The following ATAD2B variants were observed in gnomAD, a reference collection of about 807,000 sequenced individuals.
The protein encoded by ATAD2B is ATPase family AAA domain-containing protein 2B.
A neutral mutation model predicts 167.6 loss-of-function variants in ATAD2B; 40 were observed. The observed-to-expected ratio is 0.24, with a 90% CI of 0.19 to 0.31. The LOEUF is 0.31. Ranked by LOEUF, ATAD2B falls within the 10% of genes least tolerant of loss-of-function variation. The probability of loss-of-function intolerance (pLI) is 1.00; values close to 1 mark genes in which losing one functional copy is unlikely to be tolerated. For synonymous variants in ATAD2B, 579 were observed against 596.5 expected, an observed-to-expected ratio of 0.97 and a Z score of 0.43; for missense variants, 1,242 against 1,757.2, an observed-to-expected ratio of 0.71 and a Z score of 5.24.
chr2:23,855,231 GAC>G (rs1230004834), intron 13 of ATAD2B, among the ~76,000 whole-genome samples: 1 of 148,448 alleles, frequency 6.7e-6, no homozygotes, highest in East Asian at 1.9e-4. Context: ...AACACAACAA[GAC>G]ACACAATCTA....
At chr2:23,747,088 T>C (rs930454103), downstream of ATAD2B, among the ~76,000 whole-genome samples, 4 of 152,162 alleles carry the variant, frequency 2.6e-5, no homozygotes, top group Non-Finnish European at 5.9e-5. Flanking sequence ...GTGCCTTCTA[T>C]GTCATGCAAA....
intron 21 of ATAD2B, among the ~76,000 whole-genome samples, chr2:23,784,160 G>A (rs1481562670): frequency 1.3e-5 from 2 of 151,788 alleles, no homozygotes; most frequent in African/African-American, 4.8e-5. Flanking sequence ...GTGTATAAGT[G>A]GAAACTGTTT....
chr2:23,741,908 C>G, the ATAD2B span, among the ~76,000 whole-genome samples: 1 of 152,210 alleles, frequency 6.6e-6, no homozygotes, highest in Non-Finnish European at 1.5e-5. Context: ...TGAACAGACA[C>G]TTCTCAAAAG....
chr2:23,799,522 G>A (rs1382711792), intron 18 of ATAD2B, among the ~76,000 whole-genome samples: 2 of 124,516 alleles, frequency 1.6e-5, no homozygotes, highest in South Asian at 2.5e-4. Context: ...GCAGTGAGCC[G>A]AGATCACACC....
intron 26 of ATAD2B, 30 bp downstream of exon 26, chr2:23,754,617 T>C: frequency 6.2e-7 from 1 of 1,601,468 alleles, no homozygotes; most frequent in South Asian, 1.1e-5. Context: ...TCCATTCATT[T>C]AAAACTTGAC....
At chr2:23,684,443 A>G in the ATAD2B span, 2 of 1,550,854 alleles carry the variant, frequency 1.3e-6, no homozygotes, top group Non-Finnish European at 1.7e-6. This position sits in a 1 kb window ranked among gnomAD's most constrained non-coding sequence, Gnocchi z 4.4. Flanking sequence ...GAAAGCGTTT[A>G]CAGACCTGAA....
the ATAD2B span, among the ~76,000 whole-genome samples, chr2:23,716,948 G>A: frequency 6.6e-6 from 1 of 152,194 alleles, no homozygotes; most frequent in Non-Finnish European, 1.5e-5. Flanking sequence ...CCTAGAACCT[G>A]TGCTTGGCAG....
chr2:23,786,219 A>G lies in ATAD2B; in HGVS notation c.2781T>C (p.Leu927=), dbSNP rs13419561. 518 of 1,571,328 alleles carry G rather than the reference A, an allele frequency of 3.3e-4. No homozygotes were observed. In the African/African-American group the frequency reaches 6.3e-3, roughly 19 times the overall value. The stretch of plus-strand genomic sequence containing the variant: ...CAAGAGGAAGCACTTCCATAGCACA[A>G]AGAGCTAGAGAAAACAGAAGAAAAT... The part of the protein sequence containing the change: ...MAPPRRKHAA[L]CAMEVLPLAL... Residue 927 remains leucine, a synonymous_variant, in exon 21 of 28, where the codon CTT becomes CTC. Coordinates refer to ENST00000238789, the MANE Select transcript of ATAD2B (RefSeq NM_017552.4).
Position 23,755,426 on chromosome 2 carries a change from A to C in ATAD2B, c.4079-652T>G, listed in dbSNP as rs569241651. ...CTGAAACCAGCCACACTAAACAAAC[A>C]GAAATTTTAAGGTGGCTAAGCATAA... On this transcript the variant is annotated intron_variant, in intron 25 of 27. Transcript: ENST00000238789. Among the ~76,000 whole-genome samples the C allele has an allele frequency of 2.0e-5, 3 of 152,304 alleles. No homozygotes were observed. In the South Asian group the frequency reaches 6.2e-4, roughly 32 times the overall value.
At chr2:23,686,122 G>A in the ATAD2B span, among the ~76,000 whole-genome samples, 2 of 151,216 alleles carry the variant, frequency 1.3e-5, no homozygotes, top group African/African-American at 2.4e-5. Context: ...ATTCCAGGCC[G>A]GGGATGGGGC....
chr2:23,766,778 A>T (rs543200209), intron 22 of ATAD2B, among the ~76,000 whole-genome samples: 1 of 152,298 alleles, frequency 6.6e-6, no homozygotes, highest in Non-Finnish European at 1.5e-5. Flanking sequence ...ACCCTGAAAA[A>T]CAGCTATGAA....
intron 19 of ATAD2B, among the ~76,000 whole-genome samples, chr2:23,794,350 C>A (rs1351311395): frequency 6.6e-6 from 1 of 152,204 alleles, no homozygotes; most frequent in Non-Finnish European, 1.5e-5. Context: ...TTGTGTCTGG[C>A]TTAATGGAAG....
At chr2:23,839,556 T>C (rs772964428) in intron 13 of ATAD2B, among the ~76,000 whole-genome samples, 10 of 152,136 alleles carry the variant, frequency 6.6e-5, no homozygotes, top group Middle Eastern at 3.2e-3. Context: ...ACTTCCCTCA[T>C]ATTAAATAAA....
At chr2:23,863,700 C>T in intron 11 of ATAD2B, 145 bp from the exon 12 acceptor site, 1 of 778,368 alleles carries the variant, frequency 1.3e-6, no homozygotes, top group South Asian at 2.4e-5. Flanking sequence ...AGGATATAGA[C>T]AAAAGTTTTA....
intron 18 of ATAD2B, among the ~76,000 whole-genome samples, chr2:23,800,532 C>T (rs1683315051): frequency 6.6e-6 from 1 of 152,152 alleles, no homozygotes; most frequent in African/African-American, 2.4e-5. Context: ...CAAGGGTGAA[C>T]TACATACAAT....
chr2:23,753,713 T>C (rs535667639), intron 27 of ATAD2B, among the ~76,000 whole-genome samples: 150 of 152,244 alleles, frequency 9.9e-4, no homozygotes, highest in African/African-American at 3.5e-3. Context: ...CAAAATAAGA[T>C]GACTTTTGAG....
At chr2:23,872,128 G>A (rs1696083017) in intron 8 of ATAD2B, 2 of 252,214 alleles carry the variant, frequency 7.9e-6, no homozygotes, top group Non-Finnish European at 1.6e-5. Context: ...CGCCCATCTC[G>A]GCCTCCCAAA....
chr2:23,714,364 C>G, the ATAD2B span, among the ~76,000 whole-genome samples: 2 of 150,202 alleles, frequency 1.3e-5, no homozygotes, highest in African/African-American at 4.9e-5. Context: ...CTCAGCCTCC[C>G]GAGTAGCTGG....
chr2:23,882,748 T>C (rs1365499882), intron 6 of ATAD2B, among the ~76,000 whole-genome samples: 2 of 151,286 alleles, frequency 1.3e-5, no homozygotes, highest in Non-Finnish European at 2.9e-5. Context: ...AGGCGGAGCT[T>C]GCAGTGAGCC....
Sources: allele counts gnomAD v4.1 joint callset (sites outside exome capture counted in the v4.1 genomes callset), GRCh38; gene constraint gnomAD v4.1.1; non-coding constraint Gnocchi (gnomAD v3.1); transcripts MANE v1.5; gene names NCBI Gene and HGNC (gene_info 2026-07-23, HGNC 2026-07-21).